CAMK1D: variants seen among roughly 807,000 people sequenced by gnomAD.
CAMK1D encodes calcium/calmodulin dependent protein kinase ID.
A neutral mutation model predicts 47.7 loss-of-function variants in CAMK1D; 9 were observed. The observed-to-expected ratio is 0.19, with a 90% CI of 0.11 to 0.33. The LOEUF (loss-of-function observed/expected upper bound fraction) is 0.33, where lower values mean the gene tolerates loss of function less well. CAMK1D is among the 10% of genes least tolerant of loss of function. The pLI is 1.00. For synonymous variants in CAMK1D, 184 were observed against 184.9 expected (o/e 0.99, Z 0.04); for missense variants, 291 against 488.7 (o/e 0.60, Z 3.81).
At chr10:12,462,071 T>C (rs1446697349) in intron 1 of CAMK1D, among the ~76,000 whole-genome samples, 2 of 151,990 alleles carry the variant, frequency 1.3e-5, no homozygotes, top group African/African-American at 2.4e-5. Context: ...TTGTGTTCTG[T>C]CGAAGTCCAA....
intron 2 of CAMK1D, among the ~76,000 whole-genome samples, chr10:12,633,288 G>C (rs1224481129): frequency 6.6e-6 from 1 of 152,206 alleles, no homozygotes; most frequent in Non-Finnish European, 1.5e-5. Context: ...ATGGGAGGAG[G>C]TTAATGGAAT....
intron 1 of CAMK1D, among the ~76,000 whole-genome samples, chr10:12,429,859 C>T (rs1019209854): frequency 4.6e-5 from 7 of 152,270 alleles, no homozygotes; most frequent in East Asian, 1.9e-4. Context: ...TGAATCCCTC[C>T]ACCGAGGATG....
intron 1 of CAMK1D, among the ~76,000 whole-genome samples, chr10:12,357,609 C>T (rs977541537): frequency 6.6e-6 from 1 of 152,212 alleles, no homozygotes; most frequent in African/African-American, 2.4e-5. Flanking sequence ...AGCCACTGCA[C>T]TCGGCCATTA....
intron 4 of CAMK1D, among the ~76,000 whole-genome samples, chr10:12,762,791 G>T (rs541821896): frequency 6.6e-6 from 1 of 152,296 alleles, no homozygotes; most frequent in African/African-American, 2.4e-5. Flanking sequence ...ACTTCAGAGG[G>T]CTAGGTAGGG....
At chr10:12,553,182 G>A in intron 1 of CAMK1D, 43 bp from the exon 2 acceptor site, 1 of 1,612,594 alleles carries the variant, frequency 6.2e-7, no homozygotes, top group Non-Finnish European at 8.5e-7. Flanking sequence ...TGTGAAACTG[G>A]ACTTCTGCAT....
intron 1 of CAMK1D, among the ~76,000 whole-genome samples, chr10:12,484,543 G>C (rs1834155454): frequency 6.6e-6 from 1 of 152,208 alleles, no homozygotes; most frequent in East Asian, 1.9e-4. Context: ...CACCAGCCAA[G>C]TCAGGGAGCC....
At chr10:12,757,696 G>A (rs1346020163) in intron 3 of CAMK1D, among the ~76,000 whole-genome samples, 2 of 152,160 alleles carry the variant, frequency 1.3e-5, no homozygotes, top group Non-Finnish European at 2.9e-5. Context: ...GAGGCTGGAC[G>A]TCTGAGATCA....
At chr10:12,778,817 G>A (rs1254244292) in intron 5 of CAMK1D, among the ~76,000 whole-genome samples, 3 of 152,164 alleles carry the variant, frequency 2.0e-5, no homozygotes, top group South Asian at 2.1e-4. Flanking sequence ...AGGCAACGGC[G>A]AACTATAAGC....
chr10:12,675,976 G>T (rs1840794831), intron 3 of CAMK1D, among the ~76,000 whole-genome samples: 1 of 152,100 alleles, frequency 6.6e-6, no homozygotes, highest in Non-Finnish European at 1.5e-5. Context: ...TTTTGAGAAG[G>T]AGTTTTGCTC....
At chr10:12,613,495 T>C (rs1169362580) in intron 2 of CAMK1D, among the ~76,000 whole-genome samples, 3 of 152,244 alleles carry the variant, frequency 2.0e-5, no homozygotes, top group Non-Finnish European at 4.4e-5. Context: ...TTCAACACTT[T>C]GTCCATACAG....
chr10:12,824,381 G>T, intron 8 of CAMK1D, 84 bp from the exon 9 acceptor site: 2 of 1,196,412 alleles, frequency 1.7e-6, no homozygotes, highest in Non-Finnish European at 2.5e-6. Context: ...GCTCTCCTGA[G>T]GCTAGGTAAG....
chr10:12,466,592 CTTT>C (rs397844890), intron 1 of CAMK1D, among the ~76,000 whole-genome samples: 3 of 132,476 alleles, frequency 2.3e-5, no homozygotes, highest in African/African-American at 2.8e-5. Flanking sequence ...CTCTGAATTT[CTTT>C]TTTTTTTTTT....
At chr10:12,587,548 TAA>T (rs5783279) in intron 2 of CAMK1D, among the ~76,000 whole-genome samples, 27,941 of 138,428 alleles carry the variant, frequency 0.2, 3,331 homozygotes, top group African/African-American at 0.34. Flanking sequence ...CAGACATCAT[TAA>T]AAAAAAAAAA....
chr10:12,447,617 G>C (rs1201119310), intron 1 of CAMK1D, among the ~76,000 whole-genome samples: 1 of 152,200 alleles, frequency 6.6e-6, no homozygotes, highest in Non-Finnish European at 1.5e-5. Flanking sequence ...TGGGAGGATT[G>C]CCTGAGCCTG....
intron 10 of CAMK1D, 99 bp from the exon 11 acceptor site, chr10:12,828,670 C>A (rs1833347072): frequency 2.2e-6 from 2 of 890,696 alleles, no homozygotes; most frequent in South Asian, 2.8e-5. Flanking sequence ...GCCCCCCCGC[C>A]CCCCACCATA....
At chr10:12,553,145 C>A in intron 1 of CAMK1D, 80 bp from the exon 2 acceptor site, 7 of 1,592,382 alleles carry the variant, frequency 4.4e-6, no homozygotes, top group East Asian at 2.3e-5. Context: ...TTTACTCAAA[C>A]TTCGGTGGTA....
At chr10:12,492,276 A>G (rs1588549929) in intron 1 of CAMK1D, among the ~76,000 whole-genome samples, 1 of 147,844 alleles carries the variant, frequency 6.8e-6, no homozygotes. Flanking sequence ...AAATTCTGCT[A>G]TTGCCGCCAT....
chr10:12,807,585 G>A (rs562000799), intron 6 of CAMK1D, among the ~76,000 whole-genome samples: 1 of 152,202 alleles, frequency 6.6e-6, no homozygotes, highest in Non-Finnish European at 1.5e-5. Flanking sequence ...AGCAGGCAGC[G>A]TCCACTGAAG....
rs188675073 is a variant in CAMK1D at position 12,830,609 on chromosome 10, T to G, written c.*1722T>G. On this transcript the variant is annotated 3_prime_UTR_variant, in exon 11 of 11. Transcript: ENST00000619168. Reference sequence around the variant, plus strand: ...TTCGCCTTTGTGGAGCCAGGCAGTGTGTGGCCCAGGGAAAGCTGCGTTTCA... The same window carrying G: ...TTCGCCTTTGTGGAGCCAGGCAGTGGGTGGCCCAGGGAAAGCTGCGTTTCA... The G allele has an allele frequency of 6.6e-6, 1 of 152,370 alleles. No homozygotes were observed. Among genetic ancestry groups the G allele is most frequent in the Non-Finnish European group, 1.5e-5 (1 of 68,062 alleles). 9.4% of individuals were successfully genotyped at this position (152,370 alleles called of 1,614,324 possible).
Sources: allele counts gnomAD v4.1 joint callset (sites outside exome capture counted in the v4.1 genomes callset), GRCh38; gene constraint gnomAD v4.1.1; transcripts MANE v1.5; gene names NCBI Gene and HGNC (gene_info 2026-07-23, HGNC 2026-07-21).